Variants in IL23R observed in about 807,000 individuals in gnomAD.
IL23R encodes the protein interleukin-23 receptor.
A neutral mutation model predicts 56.9 loss-of-function variants in IL23R; 34 were observed. That is an observed-to-expected ratio of 0.60 (90% confidence interval 0.45 to 0.80). IL23R has a LOEUF of 0.80. Ranked by LOEUF, IL23R falls within the 30% of genes least tolerant of loss-of-function variation. The probability of loss-of-function intolerance (pLI) is 0.00; values close to 1 mark genes in which losing one functional copy is unlikely to be tolerated. For synonymous variants in IL23R, 230 were observed against 249.2 expected (o/e 0.92, Z 0.73); for missense variants, 635 against 730.0 (o/e 0.87, Z 1.50).
At position 67,169,516 on chromosome 1, in the gene IL23R, AAAC is replaced by A. The variant is rs748507585; in HGVS notation, c.250_252del (p.Thr84del). 4.3e-6 allele frequency: 7 copies of A among 1,614,064 alleles called. No homozygotes were observed. In the South Asian group the frequency reaches 6.6e-5, roughly 15 times the overall value. On this transcript the variant is annotated inframe_deletion, in exon 3 of 11. Coordinates refer to ENST00000347310, the MANE Select transcript of IL23R (RefSeq NM_144701.3). ...AGATTTCAAATCACAAGGATTAATAAAACAACAGCTCGGCTTTGGTATAAAAAC... is the reference window on the plus strand; with the variant it reads ...AGATTTCAAATCACAAGGATTAATAAAACAGCTCGGCTTTGGTATAAAAAC...
At chr1:67,149,804 T>C (rs10889657) in intron 1 of IL23R, among the ~76,000 whole-genome samples, 42,785 of 152,048 alleles carry the variant, frequency 0.28, 6,469 homozygotes, top group Admixed American at 0.41. Flanking sequence ...GTATTTGCTG[T>C]TGAAAAACCA....
chr1:67,229,874 G>A (rs568018230), intron 7 of IL23R, among the ~76,000 whole-genome samples: 1 of 152,114 alleles, frequency 6.6e-6, no homozygotes, highest in African/African-American at 2.4e-5. Flanking sequence ...ACCACCAATT[G>A]CAGTTTTTAC....
intron 4 of IL23R, among the ~76,000 whole-genome samples, chr1:67,194,703 C>T (rs991963973): frequency 6.6e-6 from 1 of 152,094 alleles, no homozygotes; most frequent in South Asian, 2.1e-4. Context: ...TAGCCACAAA[C>T]CAATGAAGAA....
intron 5 of IL23R, among the ~76,000 whole-genome samples, chr1:67,203,342 A>C (rs547003228): frequency 1.6e-4 from 25 of 152,286 alleles, no homozygotes; most frequent in Non-Finnish European, 3.4e-4. Flanking sequence ...AGACATGCTG[A>C]CTTGCTATAG....
chr1:67,205,324 T>C (rs1353476684), intron 5 of IL23R, among the ~76,000 whole-genome samples: 2 of 152,226 alleles, frequency 1.3e-5, no homozygotes, highest in South Asian at 2.1e-4. Context: ...AATAGTATAA[T>C]AGTCATTGTA....
At chr1:67,205,468 T>G (rs1648940035) in intron 5 of IL23R, among the ~76,000 whole-genome samples, 1 of 152,220 alleles carries the variant, frequency 6.6e-6, no homozygotes, top group Non-Finnish European at 1.5e-5. Context: ...CTTTGTTAAA[T>G]AGTACAGCTA....
chr1:67,167,372 G>A (rs1047120088), intron 1 of IL23R, among the ~76,000 whole-genome samples: 1 of 152,202 alleles, frequency 6.6e-6, no homozygotes, highest in African/African-American at 2.4e-5. Flanking sequence ...CGCCTCCCCA[G>A]ATGAAACGCT....
chr1:67,185,247 GAGA>G (rs1265670104), intron 4 of IL23R, among the ~76,000 whole-genome samples: 1 of 152,194 alleles, frequency 6.6e-6, no homozygotes, highest in Non-Finnish European at 1.5e-5. Flanking sequence ...CACAGCTGCA[GAGA>G]AGGAGAGGTG....
intron 4 of IL23R, 61 bp from the exon 5 acceptor site, chr1:67,200,676 T>A: frequency 6.4e-7 from 1 of 1,556,648 alleles, no homozygotes; most frequent in Non-Finnish European, 8.8e-7. Context: ...TGAGCCACCA[T>A]GCCTGGCCAA....
chr1:67,248,093 A>C (rs1462821542), intron 9 of IL23R, among the ~76,000 whole-genome samples: 1 of 151,982 alleles, frequency 6.6e-6, no homozygotes, highest in Non-Finnish European at 1.5e-5. Context: ...GTTGTGTCTT[A>C]GGGTTCCTGT....
At chr1:67,148,037 G>A (rs551318260) in intron 1 of IL23R, among the ~76,000 whole-genome samples, 1 of 152,326 alleles carries the variant, frequency 6.6e-6, no homozygotes, top group East Asian at 1.9e-4. Context: ...CGTGGGTCAC[G>A]GAAGAGAACC....
chr1:67,204,769 A>ATT (rs5774856), intron 5 of IL23R, among the ~76,000 whole-genome samples: 52,041 of 143,590 alleles, frequency 0.36, 10,263 homozygotes, highest in Admixed American at 0.48. Context: ...CTCAATACTG[A>ATT]TTTTTTTTTT....
Position 67,218,356 on chromosome 1 carries a change from G to GTATATA in IL23R, c.799-1217_799-1216insATATAT, listed in dbSNP as rs1272667281. Reference sequence around the variant, plus strand: ...TGTGTGTGTGTGTGTGTGTGTGTGTGTGTATATATATATATATGTATGTAT... The same window carrying GTATATA: ...TGTGTGTGTGTGTGTGTGTGTGTGTGTATATATGTATATATATATATATGTATGTAT... On this transcript the variant is annotated intron_variant, in intron 6 of 10. Coordinates refer to ENST00000347310, the MANE Select transcript of IL23R (RefSeq NM_144701.3). Among the ~76,000 whole-genome samples the GTATATA allele has an allele frequency of 2.8e-3, 386 of 137,374 alleles. 2 individuals are homozygous for GTATATA. The highest frequency in any genetic ancestry group is 0.015 in the East Asian group (71 of 4,712). 90.1% of individuals were successfully genotyped at this position (137,374 alleles called of 152,430 possible).
At chr1:67,228,104 T>TTCTC in intron 7 of IL23R, among the ~76,000 whole-genome samples, 1 of 46,244 alleles carries the variant, frequency 2.2e-5, no homozygotes, top group Non-Finnish European at 5.0e-5. Context: ...CTTTCTTTCT[T>TTCTC]TCTCTCTCTT....
chr1:67,205,148 T>G (rs1648915265), intron 5 of IL23R, among the ~76,000 whole-genome samples: 3 of 152,182 alleles, frequency 2.0e-5, no homozygotes, highest in Non-Finnish European at 2.9e-5. Context: ...ATTCAGATGA[T>G]AAAGGTTGAG....
intron 7 of IL23R, among the ~76,000 whole-genome samples, chr1:67,228,106 C>CTT (rs1650830431): frequency 2.2e-5 from 1 of 45,892 alleles, no homozygotes; most frequent in African/African-American, 8.4e-5. Flanking sequence ...TTCTTTCTTT[C>CTT]TCTCTCTTTC....
At chr1:67,193,538 C>T (rs1647900342) in intron 4 of IL23R, among the ~76,000 whole-genome samples, 1 of 152,026 alleles carries the variant, frequency 6.6e-6, no homozygotes, top group South Asian at 2.1e-4. Context: ...TAAATTACAA[C>T]TATATCTAGG....
At chr1:67,187,413 C>A (rs1265548799) in intron 4 of IL23R, among the ~76,000 whole-genome samples, 2 of 152,122 alleles carry the variant, frequency 1.3e-5, no homozygotes, top group Admixed American at 1.3e-4. Context: ...TGCTAACCCC[C>A]ACCTAATTTC....
chr1:67,147,421 G>A (rs532336079), intron 1 of IL23R, among the ~76,000 whole-genome samples: 13 of 152,286 alleles, frequency 8.5e-5, no homozygotes, highest in African/African-American at 3.1e-4. Flanking sequence ...TTTTCTGGCT[G>A]GATGTGGTGG....
Sources: gnomAD v4.1 joint callset for allele counts (sites outside exome capture counted in the v4.1 genomes callset) on GRCh38, gnomAD v4.1.1 for gene constraint, MANE v1.5 for transcripts, NCBI Gene and HGNC (gene_info 2026-07-23, HGNC 2026-07-21) for gene names.